Variants in CDH12 observed in about 807,000 individuals in gnomAD.
CDH12 encodes cadherin 12, also known as cadherin-12.
In CDH12, 41 loss-of-function variants were observed where a neutral mutation model predicts 74.1. The ratio of observed to expected loss-of-function variants is 0.55; its 90% CI spans 0.43 to 0.72. CDH12 has a LOEUF of 0.72. Among genes scored for constraint, CDH12 ranks in the 30% least tolerant of loss-of-function variants. The pLI is 0.00. For synonymous variants in CDH12, 399 were observed against 355.0 expected (o/e 1.12, Z -1.39); for missense variants, 945 against 977.2 (o/e 0.97, Z 0.44).
At chr5:21,866,072 G>A (rs556065947) in intron 6 of CDH12, among the ~76,000 whole-genome samples, 1 of 152,122 alleles carries the variant, frequency 6.6e-6, no homozygotes, top group Non-Finnish European at 1.5e-5. Flanking sequence ...CTCTTGTCTT[G>A]TCTGCCACCA....
At chr5:21,961,006 T>A (rs1258412964) in intron 6 of CDH12, among the ~76,000 whole-genome samples, 1 of 152,100 alleles carries the variant, frequency 6.6e-6, no homozygotes, top group Non-Finnish European at 1.5e-5. Flanking sequence ...ATAAAAATAT[T>A]TTCATGAAAT....
chr5:22,501,832 GACTCAAATCCA>G (rs1736166104), intron 2 of CDH12, among the ~76,000 whole-genome samples: 2 of 151,148 alleles, frequency 1.3e-5, no homozygotes, highest in African/African-American at 4.9e-5. Flanking sequence ...ACTAAAGAAA[GACTCAAATCCA>G]CTCCTGGCTG....
intron 2 of CDH12, among the ~76,000 whole-genome samples, chr5:22,465,749 G>A (rs1745701524): frequency 6.6e-6 from 1 of 152,102 alleles, no homozygotes; most frequent in Non-Finnish European, 1.5e-5. Context: ...TCAGTAAATG[G>A]CATGATCATG....
At chr5:22,768,474 GT>G (rs1746635995) in intron 1 of CDH12, among the ~76,000 whole-genome samples, 1 of 152,032 alleles carries the variant, frequency 6.6e-6, no homozygotes, top group Non-Finnish European at 1.5e-5. Context: ...TGGGTTTAAG[GT>G]GTAGAATGTG....
At chr5:22,460,730 T>TG (rs1275039603) in intron 2 of CDH12, among the ~76,000 whole-genome samples, 1 of 145,874 alleles carries the variant, frequency 6.9e-6, no homozygotes, top group South Asian at 2.2e-4. Flanking sequence ...TTTTTTTTTT[T>TG]TTTTTTTTAG....
intron 3 of CDH12, among the ~76,000 whole-genome samples, chr5:22,219,794 T>C (rs1212288147): frequency 6.6e-6 from 1 of 151,668 alleles, no homozygotes; most frequent in Non-Finnish European, 1.5e-5. Flanking sequence ...TTGCTTGAGT[T>C]TTCTCAGATG....
intron 6 of CDH12, among the ~76,000 whole-genome samples, chr5:21,964,681 G>C (rs2150112939): frequency 6.6e-6 from 1 of 152,016 alleles, no homozygotes; most frequent in Non-Finnish European, 1.5e-5. Context: ...TGTTCTTTTT[G>C]ACTGGAAATG....
chr5:22,511,866 A>T (rs2126672482), intron 1 of CDH12, among the ~76,000 whole-genome samples: 1 of 152,298 alleles, frequency 6.6e-6, no homozygotes, highest in South Asian at 2.1e-4. Flanking sequence ...TTGCTTACAT[A>T]ATTATTTCAA....
intron 3 of CDH12, among the ~76,000 whole-genome samples, chr5:22,347,506 G>A (rs1260047333): frequency 1.3e-5 from 2 of 152,140 alleles, no homozygotes; most frequent in South Asian, 2.1e-4. Context: ...TACTTTTGAG[G>A]TTTTGGGATG....
chr5:22,379,566 G>C (rs575247553), intron 3 of CDH12, among the ~76,000 whole-genome samples: 2 of 152,240 alleles, frequency 1.3e-5, no homozygotes, highest in East Asian at 3.9e-4. Context: ...TAACCAACCT[G>C]TGCTTAAGGT....
chr5:21,925,288 T>G (rs561298523), intron 6 of CDH12, among the ~76,000 whole-genome samples: 2 of 152,314 alleles, frequency 1.3e-5, no homozygotes, highest in East Asian at 1.9e-4. Context: ...AAACTGCTTT[T>G]CAAGTCCTCC....
chr5:22,408,532 T>A (rs1267855851), intron 2 of CDH12, among the ~76,000 whole-genome samples: 2 of 151,442 alleles, frequency 1.3e-5, no homozygotes, highest in African/African-American at 4.8e-5. Flanking sequence ...CAAGTAACAT[T>A]GAAGAATTCA....
At chr5:22,693,144 T>C (rs1201602247) in intron 1 of CDH12, among the ~76,000 whole-genome samples, 1 of 152,190 alleles carries the variant, frequency 6.6e-6, no homozygotes, top group African/African-American at 2.4e-5. Context: ...CACAACCTCT[T>C]GCAGCCATGC....
At chr5:21,802,127 T>C in intron 10 of CDH12, 40 bp downstream of exon 10, 1 of 1,575,338 alleles carries the variant, frequency 6.3e-7, no homozygotes, top group Non-Finnish European at 8.6e-7. Context: ...TTTTGTTTTG[T>C]TTTCCTGAAA....
intron 3 of CDH12, among the ~76,000 whole-genome samples, chr5:22,297,371 G>C (rs140046705): frequency 6.6e-6 from 1 of 152,148 alleles, no homozygotes; most frequent in Non-Finnish European, 1.5e-5. Flanking sequence ...GAGTCAAATG[G>C]CTCCATTACT....
chr5:22,492,521 A>T (rs1746920398), intron 2 of CDH12, among the ~76,000 whole-genome samples: 1 of 151,708 alleles, frequency 6.6e-6, no homozygotes, highest in Admixed American at 6.6e-5. Context: ...CTAATTTTGT[A>T]TTTTTAGTAG....
At chr5:22,806,799 C>T (rs138686950) in intron 1 of CDH12, among the ~76,000 whole-genome samples, 7,375 of 152,126 alleles carry the variant, frequency 0.048, 310 homozygotes, top group East Asian at 0.17. Context: ...TGTTCATATC[C>T]TTTGCCTACT....
At chr5:22,567,268 T>C (rs905567182) in intron 1 of CDH12, among the ~76,000 whole-genome samples, 7 of 152,130 alleles carry the variant, frequency 4.6e-5, no homozygotes, top group African/African-American at 1.4e-4. Flanking sequence ...CCATAAAAGA[T>C]GCTAAAGAGG....
chr5:22,605,668 A>C (rs1278073237), intron 1 of CDH12, among the ~76,000 whole-genome samples: 1 of 152,244 alleles, frequency 6.6e-6, no homozygotes. Context: ...GCACACCGAC[A>C]GCTTGTCCCT....
Sources: gnomAD v4.1 joint callset for allele counts (sites outside exome capture counted in the v4.1 genomes callset) on GRCh38, gnomAD v4.1.1 for gene constraint, MANE v1.5 for transcripts, NCBI Gene and HGNC (gene_info 2026-07-23, HGNC 2026-07-21) for gene names.